The following FAM220A variants were observed in gnomAD, a reference collection of about 807,000 sequenced individuals.
FAM220A encodes the protein protein FAM220A.
For missense variants in FAM220A, 392 were observed against 321.6 expected (o/e 1.22, Z -1.68); for synonymous variants, 141 against 130.7 (o/e 1.08, Z -0.54).
At chr7:6,345,745 A>T (rs560458330) in intron 1 of FAM220A, among the ~76,000 whole-genome samples, 16 of 151,934 alleles carry the variant, frequency 1.1e-4, no homozygotes, top group Admixed American at 2.0e-4. Context: ...TTCTTTTTTT[A>T]AAATCTGTTT....
Position 6,334,977 on chromosome 7 carries a change from G to C in FAM220A, c.-81-3742C>G, listed in dbSNP as rs560673036. 3.3e-5 allele frequency among the ~76,000 whole-genome samples: 5 copies of C among 151,854 alleles called. No homozygotes were observed. The East Asian group carries it at 9.7e-4, about 30-fold the overall frequency. Reference sequence around the variant, plus strand: ...GAGACGGGTTTCTTCATGTTGGTCAGGCTGGTCTCAAACTCCCGACCTCAG... The same window carrying C: ...GAGACGGGTTTCTTCATGTTGGTCACGCTGGTCTCAAACTCCCGACCTCAG... On this transcript the variant is annotated intron_variant, in intron 1 of 1. Transcript: ENST00000313324.
At chr7:6,336,421 C>T (rs1056333340) in intron 1 of FAM220A, among the ~76,000 whole-genome samples, 2 of 152,050 alleles carry the variant, frequency 1.3e-5, no homozygotes, top group East Asian at 1.9e-4. Context: ...TGGCTCATGC[C>T]TGTAATCCCA....
chr7:6,337,889 C>T (rs6965439), intron 1 of FAM220A, among the ~76,000 whole-genome samples: 11,719 of 151,520 alleles, frequency 0.077, 1,188 homozygotes, highest in East Asian at 0.51. Flanking sequence ...CTGCAACCTC[C>T]GCCTCCCAGG....
chr7:6,348,847 A>T lies in FAM220A; in HGVS notation c.-356T>A, dbSNP rs1782005925. On this transcript the variant is annotated 5_prime_UTR_variant, in exon 1 of 2. Transcript: ENST00000313324. ...TGACCCTCGCCTGGCGTGCTCAGGGAGCGAAGGAGGCGGCGGCTAGACCGG... is the reference window on the plus strand; with the variant it reads ...TGACCCTCGCCTGGCGTGCTCAGGGTGCGAAGGAGGCGGCGGCTAGACCGG... 2.6e-6 allele frequency: 1 copy of T among 391,126 alleles called. No individual in the cohort carries two copies. Among genetic ancestry groups the T allele is most frequent in the Non-Finnish European group, 4.5e-6 (1 of 221,754 alleles). 24.2% of individuals were successfully genotyped at this position (391,126 alleles called of 1,614,324 possible). A position where few individuals can be genotyped will look rare whatever the true frequency, so the allele number is the denominator to read the frequency against.
intron 1 of FAM220A, among the ~76,000 whole-genome samples, chr7:6,341,667 GC>G (rs1224925068): frequency 2.0e-5 from 3 of 149,938 alleles, no homozygotes; most frequent in Admixed American, 6.7e-5. Flanking sequence ...TCTAGCCTGG[GC>G]CACAGAGCAA....
At position 6,330,710 on chromosome 7, in the gene FAM220A, C is replaced by G; in HGVS notation, c.445G>C (p.Glu149Gln). Residue 149 changes from glutamate (E) to glutamine (Q), a missense_variant, in exon 2 of 2, where the codon GAG becomes CAG. By Grantham distance (29) the Glu-to-Gln change is conservative. Transcript: ENST00000313324. ...CGTGGCAGTCGTGACACCCGAGGCT[C>G]TCCTTTGGGGCACTGTCCTCTGTGG... ...DGHRGQCPKGEPRVSRLPRHQ... is the reference protein window; with the variant it reads ...DGHRGQCPKGQPRVSRLPRHQ... 1 of 1,614,150 alleles carries G rather than the reference C, an allele frequency of 6.2e-7. No individual in the cohort carries two copies. Among genetic ancestry groups the G allele is most frequent in the African/African-American group, 1.3e-5 (1 of 75,034 alleles).
chr7:6,341,499 G>A lies in FAM220A; in HGVS notation c.-82+7074C>T, dbSNP rs528363812. ...TATGAGCACTGTCATCCTGGCTAAC[G>A]TGGTGAAACCCTGCCTCTACTAAAA... On this transcript the variant is annotated intron_variant, in intron 1 of 1. Transcript: ENST00000313324. Among the ~76,000 whole-genome samples, 18 of 149,288 alleles carry A rather than the reference G, an allele frequency of 1.2e-4. No individual in the cohort carries two copies. In the South Asian group the frequency reaches 3.6e-3, roughly 30 times the overall value.
intron 1 of FAM220A, among the ~76,000 whole-genome samples, chr7:6,339,007 C>T (rs938346626): frequency 3.3e-5 from 5 of 152,108 alleles, no homozygotes; most frequent in African/African-American, 7.2e-5. Context: ...TGCTCATGGC[C>T]CAAATGATCA....
chr7:6,330,207 G>GC lies in FAM220A; in HGVS notation c.*167dup. 1 of 673,990 alleles carries GC rather than the reference G, an allele frequency of 1.5e-6. No individual in the cohort carries two copies. The allele number at this position is 673,990 out of a possible 1,614,324, so 41.8% of individuals were successfully genotyped here. ...AACACATGCCAAAAAAGTTCCTTCC[G>GC]CATCAACTGGCTTTGAATTTAAACT... On this transcript the variant is annotated 3_prime_UTR_variant, in exon 2 of 2. Transcript: ENST00000313324.
intron 1 of FAM220A, among the ~76,000 whole-genome samples, chr7:6,335,475 G>A (rs141191102): frequency 4.4e-4 from 67 of 152,070 alleles, no homozygotes; most frequent in African/African-American, 1.5e-3. Context: ...TGATCTGCCC[G>A]CCTCAGCCTC....
chr7:6,348,941 G>C lies in FAM220A; in HGVS notation c.-450C>G, dbSNP rs1045316993. The C allele has an allele frequency of 5.3e-6, 2 of 380,170 alleles. No homozygotes were observed. The highest frequency in any genetic ancestry group is 6.6e-4 in the Middle Eastern group (1 of 1,508). 23.5% of individuals were successfully genotyped at this position (380,170 alleles called of 1,614,324 possible). A position where few individuals can be genotyped will look rare whatever the true frequency, so the allele number is the denominator to read the frequency against. On this transcript the variant is annotated 5_prime_UTR_variant, in exon 1 of 2. Coordinates refer to ENST00000313324, the MANE Select transcript of FAM220A (RefSeq NM_001037163.2). The stretch of plus-strand genomic sequence containing the variant: ...CGGAGAAGTGCCTCCGCGAGCAGCC[G>C]CCTGTACCAGCCTGGCCGCGCAGCC...
At chr7:6,342,300 T>C (rs1363217001) in intron 1 of FAM220A, among the ~76,000 whole-genome samples, 1 of 152,008 alleles carries the variant, frequency 6.6e-6, no homozygotes, top group Non-Finnish European at 1.5e-5. Flanking sequence ...ATCCCAGCAC[T>C]CTGGGAGGCC....
At chr7:6,342,855 A>G (rs1781888816) in intron 1 of FAM220A, among the ~76,000 whole-genome samples, 1 of 151,338 alleles carries the variant, frequency 6.6e-6, no homozygotes, top group Non-Finnish European at 1.5e-5. Context: ...TGGGCAACAT[A>G]GTGAGACCCC....
chr7:6,340,698 G>C (rs1781834854), intron 1 of FAM220A, among the ~76,000 whole-genome samples: 1 of 151,934 alleles, frequency 6.6e-6, no homozygotes, highest in Non-Finnish European at 1.5e-5. Flanking sequence ...AGGAGATCGA[G>C]ACCATCCTGG....
intron 1 of FAM220A, among the ~76,000 whole-genome samples, chr7:6,339,046 G>A (rs555103822): frequency 2.6e-4 from 39 of 152,250 alleles, no homozygotes; most frequent in Middle Eastern, 3.4e-3. Context: ...CAAACCCCCG[G>A]ATTTCCACAC....
intron 1 of FAM220A, 122 bp downstream of exon 1, chr7:6,348,451 A>G (rs564188848): frequency 2.5e-6 from 1 of 397,420 alleles, no homozygotes; most frequent in Non-Finnish European, 4.4e-6. Flanking sequence ...CGCACGGGAA[A>G]ATGCACGGTG....
chr7:6,334,020 G>C (rs188128204), intron 1 of FAM220A, among the ~76,000 whole-genome samples: 1 of 150,638 alleles, frequency 6.6e-6, no homozygotes, highest in Admixed American at 6.6e-5. Context: ...CTAATTTTTC[G>C]TATTTTTAGT....
intron 1 of FAM220A, among the ~76,000 whole-genome samples, chr7:6,332,767 C>G (rs116255578): frequency 6.6e-6 from 1 of 152,134 alleles, no homozygotes; most frequent in Non-Finnish European, 1.5e-5. Context: ...AAGTGGCTGA[C>G]GGGGATGGAG....
intron 1 of FAM220A, among the ~76,000 whole-genome samples, chr7:6,333,444 A>C (rs946224973): frequency 6.6e-6 from 1 of 152,120 alleles, no homozygotes; most frequent in African/African-American, 2.4e-5. Context: ...CAGAGCAGGA[A>C]AAAGAAAGAA....
Sources: allele counts gnomAD v4.1 joint callset (sites outside exome capture counted in the v4.1 genomes callset), GRCh38; gene constraint gnomAD v4.1.1; transcripts MANE v1.5; gene names NCBI Gene and HGNC (gene_info 2026-07-23, HGNC 2026-07-21).